CBLIF: variants seen among roughly 807,000 people sequenced by gnomAD.
The protein encoded by CBLIF is cobalamin binding intrinsic factor, also known as gastric intrinsic factor (vitamin B synthesis).
Under a neutral mutation model 44.9 loss-of-function variants are expected in CBLIF, and 24 were observed. The observed-to-expected ratio is 0.53, with a 90% confidence interval of 0.39 to 0.75. The LOEUF is 0.75. Ranked by LOEUF, CBLIF falls within the 30% of genes least tolerant of loss-of-function variation. The probability of loss-of-function intolerance (pLI) is 0.00; values close to 1 mark genes in which losing one functional copy is unlikely to be tolerated. For synonymous variants in CBLIF, 183 were observed against 190.9 expected (o/e 0.96, Z 0.34); for missense variants, 481 against 513.0 (o/e 0.94, Z 0.60).
chr11:59,837,253 G>T lies in CBLIF; in HGVS notation c.792C>A (p.Asn264Lys). Reference sequence around the variant, plus strand: ...GGAGGATTTGAGCAATGGACATGGGGTTGTGGAATTTCCCCTGCTTAATCT... The same window carrying T: ...GGAGGATTTGAGCAATGGACATGGGTTTGTGGAATTTCCCCTGCTTAATCT... The part of the protein sequence containing the change: ...LNEIKQGKFH[N>K]PMSIAQILPS... Residue 264 changes from asparagine to lysine, a missense_variant, in exon 6 of 9, where the codon AAC becomes AAA. Physicochemically the swap from Asn to Lys is moderately conservative, Grantham distance 94 (BLOSUM62 0). Transcript: ENST00000257248. 6.2e-7 allele frequency: 1 copy of T among 1,613,592 alleles called. No homozygotes were observed. Among genetic ancestry groups the T allele is most frequent in the Non-Finnish European group, 8.5e-7 (1 of 1,179,504 alleles).
Position 59,834,307 on chromosome 11 carries a change from T to TC in CBLIF, c.1073+1500dup, listed in dbSNP as rs1866421855. ...TTCTTTCTTTCTTTCTTTCTTTCTT[T>TC]CTTTCTTCCTTCCTTCCTTCCTTCC... On this transcript the variant is annotated intron_variant, in intron 7 of 8. Transcript: ENST00000257248. Among the ~76,000 whole-genome samples, 3 of 47,034 alleles carry TC rather than the reference T, an allele frequency of 6.4e-5. No homozygotes were observed. The East Asian group carries it at 1.7e-3, about 27-fold the overall frequency. The allele number at this position is 47,034 out of a possible 152,430, so 30.9% of individuals were successfully genotyped here.
chr11:59,843,125 CT>C lies in CBLIF; in HGVS notation c.272del (p.Gln91ArgfsTer47). Reference sequence around the variant, plus strand: ...TGAGGGCCATGATGGTGAGGCCGAGCTGCCCAATGGTTAGATCTGCAGAGAA... The same window carrying C: ...TGAGGGCCATGATGGTGAGGCCGAGCGCCCAATGGTTAGATCTGCAGAGAA... ...SSDNNDLTIG[Q>X]LGLTIMALTS... On this transcript the variant is annotated frameshift_variant, in exon 3 of 9. Transcript: ENST00000257248. LOFTEE classifies it high-confidence loss of function. 1 of 1,610,572 alleles carries C rather than the reference CT, an allele frequency of 6.2e-7. No individual in the cohort carries two copies. Among genetic ancestry groups the C allele is most frequent in the South Asian group, 1.1e-5 (1 of 91,000 alleles).
At chr11:59,830,465 C>A (rs1403305238) in intron 8 of CBLIF, among the ~76,000 whole-genome samples, 1 of 151,910 alleles carries the variant, frequency 6.6e-6, no homozygotes, top group African/African-American at 2.4e-5. Flanking sequence ...TCTTGATCTC[C>A]TGACCTCCTG....
At position 59,845,356 on chromosome 11, in the gene CBLIF, G is replaced by A. The variant is rs200622382; in HGVS notation, c.79+19C>T. ...GGGCAACTGCTTCCCTGACCTCCTT[G>A]GAAAAACATCATACTCACAGCATGA... On this transcript the variant is annotated intron_variant, in intron 1 of 8. Transcript: ENST00000257248. The A allele has an allele frequency of 1.9e-6, 3 of 1,608,734 alleles. No individual in the cohort carries two copies. The African/African-American group carries it at 4.0e-5, about 21-fold the overall frequency.
rs1234959476 is a variant in CBLIF, at chr11:59,831,764, A to G, written c.1106T>C (p.Val369Ala). Residue 369 changes from valine (V) to alanine (A), a missense_variant, in exon 8 of 9, where the codon GTC (valine) becomes GCC (alanine). Physicochemically the swap from Val to Ala is moderately conservative, Grantham distance 64. Coordinates refer to ENST00000257248, the MANE Select transcript of CBLIF (RefSeq NM_005142.3). ...CGCGATATTGTTGATAGAAGAGACG[A>G]CAAGGCCCCAAGATGTCATTGTGGT... ...FETTMTSWGLVVSSINNIAEN... is the reference protein window; with the variant it reads ...FETTMTSWGLAVSSINNIAEN... 1.2e-6 allele frequency: 2 copies of G among 1,604,840 alleles called. No individual in the cohort carries two copies. Among genetic ancestry groups the G allele is most frequent in the East Asian group, 4.5e-5 (2 of 44,826 alleles).
rs748900807 is a variant in CBLIF, at chr11:59,843,944, G to A, written c.191C>T (p.Ala64Val). The A allele has an allele frequency of 1.9e-6, 3 of 1,613,148 alleles. No homozygotes were observed. Among genetic ancestry groups the A allele is most frequent in the Non-Finnish European group, 2.5e-6 (3 of 1,179,168 alleles). ...CTGGGCCTTCAAGTTGTAGGCTCCGGCCAGATTCATGGCAATCAGGATGCT... is the reference window on the plus strand; with the variant it reads ...CTGGGCCTTCAAGTTGTAGGCTCCGACCAGATTCATGGCAATCAGGATGCT... Reference protein sequence around the residue: ...NPSILIAMNLAGAYNLKAQKL... With the variant: ...NPSILIAMNLVGAYNLKAQKL... The change falls in exon 2 of 9, where the codon GCC becomes GTC. Residue 64 changes from alanine to valine, a missense_variant. Physicochemically the swap from Ala to Val is moderately conservative, Grantham distance 64. Transcript: ENST00000257248.
Position 59,831,746 on chromosome 11 carries a change from T to C in CBLIF, c.1124A>G (p.Asn375Ser), listed in dbSNP as rs1866377388. 1.9e-6 allele frequency: 3 copies of C among 1,609,568 alleles called. No individual in the cohort carries two copies. Among genetic ancestry groups the C allele is most frequent in the Non-Finnish European group, 2.6e-6 (3 of 1,175,858 alleles). ...CTTGTGATTAACATTTTCCGCGATA[T>C]TGTTGATAGAAGAGACGACAAGGCC... The part of the protein sequence containing the change: ...SWGLVVSSIN[N>S]IAENVNHKTY... Residue 375 changes from asparagine (N) to serine (S), a missense_variant, in exon 8 of 9, where the codon AAT becomes AGT. By Grantham distance (46) the Asn-to-Ser change is conservative (BLOSUM62 1). Coordinates refer to ENST00000257248, the MANE Select transcript of CBLIF (RefSeq NM_005142.3).
At chr11:59,842,362 T>C (rs1377956711) in intron 4 of CBLIF, 81 bp downstream of exon 4, 1 of 1,495,774 alleles carries the variant, frequency 6.7e-7, no homozygotes, top group African/African-American at 1.4e-5. Context: ...ACGCTCTCCT[T>C]TGTCACTTCC....
intron 5 of CBLIF, 40 bp from the exon 6 acceptor site, chr11:59,837,391 G>T (rs373644476): frequency 1.4e-6 from 2 of 1,472,640 alleles, no homozygotes. Flanking sequence ...GAGTAATTAG[G>T]CATAGCTGAG....
chr11:59,830,300 A>G (rs951196224), intron 8 of CBLIF, among the ~76,000 whole-genome samples: 3 of 145,920 alleles, frequency 2.1e-5, no homozygotes, highest in African/African-American at 7.7e-5. Context: ...GCAGTGGTGC[A>G]ATCTCAGCTC....
chr11:59,836,646 A>G (rs1866459790), intron 6 of CBLIF, among the ~76,000 whole-genome samples: 1 of 152,162 alleles, frequency 6.6e-6, no homozygotes, highest in Admixed American at 6.5e-5. Context: ...TTTAAATATG[A>G]ATTCTGTTCT....
chr11:59,829,688 T>A, intron 8 of CBLIF, 143 bp from the exon 9 acceptor site: 2 of 686,528 alleles, frequency 2.9e-6, no homozygotes. Context: ...AATAAGCAGT[T>A]TGATTATGAA....
Position 59,835,788 on chromosome 11 carries a change from A to G in CBLIF, c.1073+20T>C. On this transcript the variant is annotated intron_variant, in intron 7 of 8. Transcript: ENST00000257248. ...AGATCAGGCCTTGAGAGAATGATGA[A>G]TGACATTTGTAATACTCACTTGAAC... The G allele has an allele frequency of 6.4e-7, 1 of 1,563,568 alleles. No homozygotes were observed. Among genetic ancestry groups the G allele is most frequent in the Non-Finnish European group, 8.8e-7 (1 of 1,133,730 alleles).
At chr11:59,834,573 A>G (rs895040099) in intron 7 of CBLIF, among the ~76,000 whole-genome samples, 2 of 151,112 alleles carry the variant, frequency 1.3e-5, no homozygotes, top group Non-Finnish European at 3.0e-5. Context: ...TTGTACTTTT[A>G]GTAGAGATGA....
intron 3 of CBLIF, 117 bp downstream of exon 3, chr11:59,842,911 C>A (rs1184537827): frequency 2.7e-6 from 2 of 729,542 alleles, no homozygotes; most frequent in Non-Finnish European, 5.0e-6. Flanking sequence ...GTGAAGGATA[C>A]ATTGTCTCTT....
At chr11:59,831,278 G>A (rs998707028) in intron 8 of CBLIF, among the ~76,000 whole-genome samples, 2 of 152,126 alleles carry the variant, frequency 1.3e-5, no homozygotes, top group African/African-American at 4.8e-5. Flanking sequence ...TAAGAGAGAA[G>A]GTGAAGCATA....
chr11:59,842,341 T>A (rs1412369902), intron 4 of CBLIF, 102 bp downstream of exon 4: 11 of 1,290,138 alleles, frequency 8.5e-6, no homozygotes, highest in Non-Finnish European at 1.1e-5. Context: ...CCTTAGCTCC[T>A]CCTCCATGGG....
chr11:59,832,733 T>C (rs1866389400), intron 7 of CBLIF, among the ~76,000 whole-genome samples: 1 of 152,158 alleles, frequency 6.6e-6, no homozygotes, highest in Non-Finnish European at 1.5e-5. Context: ...ATGAAATTAC[T>C]TCACTTAGAA....
intron 2 of CBLIF, 129 bp from the exon 3 acceptor site, chr11:59,843,270 A>G: frequency 1.4e-6 from 1 of 691,974 alleles, no homozygotes. Flanking sequence ...CAGTTCTTTG[A>G]TCTGTCTTTC....
Sources: gnomAD v4.1 joint callset for allele counts (sites outside exome capture counted in the v4.1 genomes callset) on GRCh38, gnomAD v4.1.1 for gene constraint, MANE v1.5 for transcripts, NCBI Gene and HGNC (gene_info 2026-07-23, HGNC 2026-07-21) for gene names.